Variants in CDH13 observed in about 807,000 individuals in gnomAD.
The protein encoded by CDH13 is cadherin 13.
In CDH13, 24 loss-of-function variants were observed where a neutral mutation model predicts 63.8. The ratio of observed to expected loss-of-function variants is 0.38; its 90% CI spans 0.27 to 0.53. The LOEUF is 0.53. Ranked by LOEUF, CDH13 falls within the 20% of genes least tolerant of loss-of-function variation. CDH13 has a pLI of 0.85. For synonymous variants in CDH13, 503 were observed against 355.3 expected (o/e 1.42, Z -4.67); for missense variants, 1,049 against 903.1 (o/e 1.16, Z -2.07).
At chr16:83,415,528 A>G (rs1215650486) in intron 6 of CDH13, among the ~76,000 whole-genome samples, 2 of 152,224 alleles carry the variant, frequency 1.3e-5, no homozygotes, top group African/African-American at 4.8e-5. Flanking sequence ...AAATACTAGC[A>G]AACTGAATCC....
intron 6 of CDH13, among the ~76,000 whole-genome samples, chr16:83,464,654 C>A (rs1429921881): frequency 6.6e-6 from 1 of 152,086 alleles, no homozygotes; most frequent in Non-Finnish European, 1.5e-5. Flanking sequence ...GCCACCACAC[C>A]TGGCCCTCCT....
At chr16:82,832,539 G>T (rs1287947417) in intron 1 of CDH13, among the ~76,000 whole-genome samples, 1 of 151,136 alleles carries the variant, frequency 6.6e-6, no homozygotes, top group Non-Finnish European at 1.5e-5. Context: ...ATTAAACATA[G>T]TTATAGGCTG....
rs563032238 is a variant in CDH13 at position 83,006,933 on chromosome 16, T to C, written c.158-25077T>C. On this transcript the variant is annotated intron_variant, in intron 2 of 13. Coordinates refer to ENST00000567109, the MANE Select transcript of CDH13 (RefSeq NM_001257.5). ...GTTTGTTTGTTTGTTTGTTTGTTTG[T>C]TTTTTTTGAGACAGAGTTTCACTCT... Among the ~76,000 whole-genome samples the C allele has an allele frequency of 3.0e-5, 3 of 100,818 alleles. No homozygotes were observed. The South Asian group carries it at 8.6e-4, about 29-fold the overall frequency. The allele number at this position is 100,818 out of a possible 152,430, so 66.1% of individuals were successfully genotyped here. A position where few individuals can be genotyped will look rare whatever the true frequency, so the allele number is the denominator to read the frequency against.
chr16:83,029,367 C>T (rs1283841601), intron 2 of CDH13, among the ~76,000 whole-genome samples: 1 of 152,042 alleles, frequency 6.6e-6, no homozygotes, highest in Non-Finnish European at 1.5e-5. Context: ...CAAGAAAGTT[C>T]CTAGCAACAA....
intron 8 of CDH13, among the ~76,000 whole-genome samples, chr16:83,645,501 A>G (rs1935057578): frequency 6.6e-6 from 1 of 151,278 alleles, no homozygotes; most frequent in South Asian, 2.1e-4. Context: ...ATCTTCACCA[A>G]GAGACAATAT....
intron 8 of CDH13, among the ~76,000 whole-genome samples, chr16:83,635,569 C>G (rs1255078659): frequency 6.6e-6 from 1 of 151,986 alleles, no homozygotes; most frequent in African/African-American, 2.4e-5. Flanking sequence ...GTCTCGAACT[C>G]CTGACCTCGT....
chr16:83,426,487 G>T (rs1229970847), intron 6 of CDH13, among the ~76,000 whole-genome samples: 2 of 148,294 alleles, frequency 1.3e-5, no homozygotes, highest in Non-Finnish European at 3.0e-5. Flanking sequence ...CTCTCTCATG[G>T]AAACAACTCC....
chr16:83,665,549 A>G (rs75136912), intron 8 of CDH13, among the ~76,000 whole-genome samples: 11,546 of 152,212 alleles, frequency 0.076, 709 homozygotes, highest in African/African-American at 0.17. Flanking sequence ...CCCTTTTATC[A>G]TCACAAATAG....
intron 2 of CDH13, among the ~76,000 whole-genome samples, chr16:82,861,305 G>A (rs964387813): frequency 3.9e-5 from 6 of 152,134 alleles, no homozygotes; most frequent in African/African-American, 1.4e-4. Flanking sequence ...AAGAGCTTTG[G>A]TTACCAATCA....
At chr16:83,363,744 G>C (rs919710157) in intron 6 of CDH13, among the ~76,000 whole-genome samples, 5 of 152,184 alleles carry the variant, frequency 3.3e-5, no homozygotes, top group Non-Finnish European at 7.3e-5. Flanking sequence ...CAGATCCTTT[G>C]GAACGGCAGC....
chr16:83,782,400 C>G (rs1915588284), intron 12 of CDH13, among the ~76,000 whole-genome samples: 1 of 151,886 alleles, frequency 6.6e-6, no homozygotes, highest in Non-Finnish European at 1.5e-5. Context: ...GTTGCGGGTT[C>G]CCACCCAAAT....
chr16:83,370,883 T>G (rs1488265714), intron 6 of CDH13, among the ~76,000 whole-genome samples: 1 of 152,196 alleles, frequency 6.6e-6, no homozygotes, highest in African/African-American at 2.4e-5. Context: ...TGATGGGCAT[T>G]TAGGTTGAAT....
chr16:82,632,821 A>C (rs982657237), intron 1 of CDH13, among the ~76,000 whole-genome samples: 1 of 152,086 alleles, frequency 6.6e-6, no homozygotes, highest in African/African-American at 2.4e-5. Flanking sequence ...ATAATTTAGA[A>C]TTACTGGGAG....
intron 1 of CDH13, among the ~76,000 whole-genome samples, chr16:82,687,832 C>G (rs1452861672): frequency 6.6e-6 from 1 of 152,128 alleles, no homozygotes; most frequent in Non-Finnish European, 1.5e-5. Context: ...AGTCTCTTTT[C>G]AAACTGGCTG....
intron 3 of CDH13, among the ~76,000 whole-genome samples, chr16:83,104,945 C>T (rs1053129967): frequency 3.3e-5 from 5 of 152,198 alleles, no homozygotes; most frequent in African/African-American, 1.2e-4. Context: ...GCATCTTCTC[C>T]CTCTCTCATT....
intron 1 of CDH13, among the ~76,000 whole-genome samples, chr16:82,707,622 T>G (rs1252435912): frequency 2.6e-5 from 4 of 152,236 alleles, no homozygotes; most frequent in Admixed American, 2.6e-4. Flanking sequence ...TGGATTCTGA[T>G]GACAGATTGC....
chr16:83,531,985 C>G (rs891278677), intron 7 of CDH13, among the ~76,000 whole-genome samples: 39 of 152,144 alleles, frequency 2.6e-4, no homozygotes, highest in Admixed American at 1.3e-4. Context: ...ATGGGAGGCA[C>G]CCGGTGGGAG....
At chr16:82,710,324 G>C (rs2031814881) in intron 1 of CDH13, among the ~76,000 whole-genome samples, 1 of 144,630 alleles carries the variant, frequency 6.9e-6, no homozygotes, top group South Asian at 2.1e-4. Context: ...ATGAGGTCAG[G>C]AGATCGAGAC....
At chr16:83,416,873 G>A (rs1296382455) in intron 6 of CDH13, among the ~76,000 whole-genome samples, 3 of 152,074 alleles carry the variant, frequency 2.0e-5, no homozygotes, top group Non-Finnish European at 4.4e-5. Context: ...AAAAATACTT[G>A]CCTTATAAAA....
Sources: allele counts gnomAD v4.1 joint callset (sites outside exome capture counted in the v4.1 genomes callset), GRCh38; gene constraint gnomAD v4.1.1; transcripts MANE v1.5; gene names NCBI Gene and HGNC (gene_info 2026-07-23, HGNC 2026-07-21).